Variants in TANGO6 observed in about 807,000 individuals in gnomAD.
TANGO6 encodes the protein transport and Golgi organization protein 6 homolog.
TANGO6 carries 90 observed loss-of-function variants against 114.2 expected under a neutral mutation model. The ratio of observed to expected loss-of-function variants is 0.79; its 90% confidence interval spans 0.66 to 0.94. TANGO6 has a LOEUF of 0.94. Ranked by LOEUF, TANGO6 falls within the 40% of genes least tolerant of loss-of-function variation. TANGO6 has a pLI of 0.00. For missense variants in TANGO6, 1,274 were observed against 1,315.3 expected, an observed-to-expected ratio of 0.97 and a Z score of 0.49; for synonymous variants, 477 against 509.8, an observed-to-expected ratio of 0.94 and a Z score of 0.87.
intron 14 of TANGO6, among the ~76,000 whole-genome samples, chr16:68,938,474 A>G (rs1161653092): frequency 6.6e-6 from 1 of 152,076 alleles, no homozygotes; most frequent in African/African-American, 2.4e-5. Context: ...CTTATAGGGA[A>G]TTATATTTTT....
chr16:68,962,408 T>C (rs769791820), intron 14 of TANGO6, among the ~76,000 whole-genome samples: 3 of 152,214 alleles, frequency 2.0e-5, no homozygotes, highest in Non-Finnish European at 4.4e-5. Context: ...TTAACCATCA[T>C]TTGTTATTCT....
chr16:68,875,769 CAAA>C (rs5817658), intron 5 of TANGO6, among the ~76,000 whole-genome samples: 1 of 113,386 alleles, frequency 8.8e-6, no homozygotes, highest in Non-Finnish European at 2.0e-5. Context: ...AACTCCGTCT[CAAA>C]AAAAAAAAAA....
chr16:68,885,827 T>G (rs1356897529), intron 7 of TANGO6: 2 of 152,260 alleles, frequency 1.3e-5, no homozygotes, highest in Non-Finnish European at 2.9e-5. Flanking sequence ...TTGGCTCTTA[T>G]GAATAATGCT....
At chr16:69,071,511 A>G (rs945283967) in intron 17 of TANGO6, among the ~76,000 whole-genome samples, 2 of 152,220 alleles carry the variant, frequency 1.3e-5, no homozygotes, top group Non-Finnish European at 2.9e-5. Context: ...ACCAAGTTCC[A>G]GTAGTAAAAA....
intron 15 of TANGO6, among the ~76,000 whole-genome samples, chr16:69,003,706 A>G (rs1964065390): frequency 6.6e-6 from 1 of 152,124 alleles, no homozygotes; most frequent in South Asian, 2.1e-4. Context: ...ATCTTTTATG[A>G]ACTTTATCAT....
At chr16:69,013,045 T>C (rs997650138) in intron 15 of TANGO6, among the ~76,000 whole-genome samples, 3 of 152,074 alleles carry the variant, frequency 2.0e-5, no homozygotes, top group African/African-American at 7.2e-5. Flanking sequence ...CTCAAATAGG[T>C]TAGCCAATAG....
At chr16:68,895,242 G>A (rs2113279) in intron 7 of TANGO6, among the ~76,000 whole-genome samples, 22,377 of 152,080 alleles carry the variant, frequency 0.15, 2,190 homozygotes, top group African/African-American at 0.27. Flanking sequence ...TCAGCTACTC[G>A]GGAGGCTGAG....
At chr16:68,877,468 A>C (rs1405130113) in intron 5 of TANGO6, among the ~76,000 whole-genome samples, 1 of 75,588 alleles carries the variant, frequency 1.3e-5, no homozygotes, top group Non-Finnish European at 2.4e-5. Flanking sequence ...ACTCCATCTC[A>C]AAAAAAAAAA....
chr16:68,880,812 G>C (rs573547711), intron 7 of TANGO6, among the ~76,000 whole-genome samples, 182 bp downstream of exon 7: 1 of 151,660 alleles, frequency 6.6e-6, no homozygotes, highest in East Asian at 1.9e-4. Context: ...GGTGTGAGCC[G>C]CTGCTCCCAG....
At chr16:68,874,272 C>T (rs1962323230) in intron 4 of TANGO6, among the ~76,000 whole-genome samples, 1 of 152,156 alleles carries the variant, frequency 6.6e-6, no homozygotes, top group Admixed American at 6.5e-5. Flanking sequence ...TTCCACTGAA[C>T]AAGATGCCAG....
At chr16:68,970,096 T>G (rs968224191) in intron 14 of TANGO6, among the ~76,000 whole-genome samples, 1 of 152,066 alleles carries the variant, frequency 6.6e-6, no homozygotes, top group African/African-American at 2.4e-5. Flanking sequence ...GAATGGAAGA[T>G]CCTAACTGGC....
At chr16:68,971,319 G>A (rs1963702334) in intron 14 of TANGO6, among the ~76,000 whole-genome samples, 2 of 152,132 alleles carry the variant, frequency 1.3e-5, no homozygotes, top group Non-Finnish European at 2.9e-5. Flanking sequence ...TCACCCAGCT[G>A]GAGTGCAATG....
chr16:68,905,534 CAA>C (rs113940976), intron 9 of TANGO6, among the ~76,000 whole-genome samples: 5 of 111,576 alleles, frequency 4.5e-5, no homozygotes, highest in Admixed American at 1.9e-4. Flanking sequence ...AACTCTGTCT[CAA>C]AAAAAAAAAA....
chr16:69,008,401 T>G (rs1336898333), intron 15 of TANGO6, among the ~76,000 whole-genome samples: 5 of 152,180 alleles, frequency 3.3e-5, no homozygotes, highest in Non-Finnish European at 7.3e-5. Context: ...TACTCCTGTT[T>G]TCTTGTTTTT....
At chr16:69,046,931 CTTTG>C (rs1162797021) in intron 17 of TANGO6, among the ~76,000 whole-genome samples, 10 of 152,034 alleles carry the variant, frequency 6.6e-5, no homozygotes, top group Non-Finnish European at 1.2e-4. Context: ...AATCCCAGCA[CTTTG>C]TTTGGGAGGC....
At chr16:68,969,191 T>C (rs1429999336) in intron 14 of TANGO6, among the ~76,000 whole-genome samples, 2 of 152,090 alleles carry the variant, frequency 1.3e-5, no homozygotes, top group Admixed American at 6.6e-5. Context: ...ACCAAAGGGA[T>C]TGATGTGTGA....
chr16:68,907,223 A>C (rs1436272456), intron 9 of TANGO6, among the ~76,000 whole-genome samples: 1 of 151,144 alleles, frequency 6.6e-6, no homozygotes, highest in East Asian at 1.9e-4. Context: ...CTGCGATTAC[A>C]GGCGTGAGCC....
At chr16:69,050,632 G>A (rs1959934418) in intron 17 of TANGO6, among the ~76,000 whole-genome samples, 1 of 151,908 alleles carries the variant, frequency 6.6e-6, no homozygotes. Context: ...TGGGATTTCA[G>A]GCATGTACCA....
intron 14 of TANGO6, among the ~76,000 whole-genome samples, chr16:68,962,139 A>G (rs540436907): frequency 1.4e-4 from 22 of 152,208 alleles, no homozygotes; most frequent in Non-Finnish European, 2.9e-4. Context: ...TGAGTTCCCC[A>G]TACTTCCTTT....
Sources: gnomAD v4.1 joint callset for allele counts (sites outside exome capture counted in the v4.1 genomes callset) on GRCh38, gnomAD v4.1.1 for gene constraint, MANE v1.5 for transcripts, NCBI Gene and HGNC (gene_info 2026-07-23, HGNC 2026-07-21) for gene names.